The following RAB31 variants were observed in gnomAD, a reference collection of about 807,000 sequenced individuals.
RAB31 encodes the protein RAB31, member RAS oncogene family, also known as ras-related protein Rab-31.
Under a neutral mutation model 25.6 loss-of-function variants are expected in RAB31, and 21 were observed. The ratio of observed to expected loss-of-function variants is 0.82; its 90% CI spans 0.58 to 1.18. The LOEUF is 1.18. Among genes scored for constraint, RAB31 ranks in the 50% most tolerant of loss-of-function variants. The pLI is 0.00. For synonymous variants in RAB31, 87 were observed against 84.0 expected (o/e 1.04, Z -0.20); for missense variants, 196 against 250.1 (o/e 0.78, Z 1.46).
intron 5 of RAB31, among the ~76,000 whole-genome samples, chr18:9,841,250 C>A (rs1357486482): frequency 2.0e-5 from 3 of 148,440 alleles, no homozygotes; most frequent in Non-Finnish European, 4.5e-5. Flanking sequence ...GTTTAAAGAT[C>A]TCAATTGGGC....
chr18:9,796,318 T>C (rs769387556), intron 3 of RAB31, among the ~76,000 whole-genome samples: 47 of 152,150 alleles, frequency 3.1e-4, no homozygotes, highest in Admixed American at 6.5e-4. Context: ...ATCTCAGAAA[T>C]GACCACTAGA....
intron 2 of RAB31, 146 bp downstream of exon 2, chr18:9,775,503 T>C: frequency 6.9e-7 from 1 of 1,440,704 alleles, no homozygotes; most frequent in Middle Eastern, 2.5e-4. Flanking sequence ...CCGACAGAAA[T>C]TCAGGGACTT....
chr18:9,808,655 C>T (rs569146943), intron 3 of RAB31, among the ~76,000 whole-genome samples: 1 of 152,344 alleles, frequency 6.6e-6, no homozygotes, highest in African/African-American at 2.4e-5. Flanking sequence ...GGCATCTGCC[C>T]TTGACGCTCC....
intron 1 of RAB31, among the ~76,000 whole-genome samples, chr18:9,732,407 A>C (rs2068128118): frequency 6.6e-6 from 1 of 152,242 alleles, no homozygotes; most frequent in Admixed American, 6.5e-5. Flanking sequence ...CAGAGGGCAG[A>C]ATCCTCCCCT....
chr18:9,750,593 G>A (rs1025436520), intron 1 of RAB31, among the ~76,000 whole-genome samples: 10 of 152,270 alleles, frequency 6.6e-5, no homozygotes, highest in African/African-American at 2.2e-4. Context: ...GTGGAAAGGC[G>A]CCTTTGTGCC....
chr18:9,724,615 C>T (rs967513671), intron 1 of RAB31, among the ~76,000 whole-genome samples: 3 of 152,174 alleles, frequency 2.0e-5, no homozygotes, highest in Admixed American at 6.5e-5. Flanking sequence ...CTGTGAATCT[C>T]GGCAACATCA....
chr18:9,726,444 C>G (rs186882991), intron 1 of RAB31, among the ~76,000 whole-genome samples: 1 of 152,288 alleles, frequency 6.6e-6, no homozygotes, highest in Admixed American at 6.5e-5. Flanking sequence ...CTGGGGCTCA[C>G]TTTTCTCATT....
At chr18:9,759,791 G>A (rs926606181) in intron 1 of RAB31, among the ~76,000 whole-genome samples, 3 of 152,124 alleles carry the variant, frequency 2.0e-5, no homozygotes, top group Non-Finnish European at 4.4e-5. Flanking sequence ...TCTCTATGGT[G>A]GTAGAAATAG....
At chr18:9,849,258 A>T (rs2068776642) in intron 6 of RAB31, among the ~76,000 whole-genome samples, 1 of 152,146 alleles carries the variant, frequency 6.6e-6, no homozygotes, top group Non-Finnish European at 1.5e-5. Context: ...GCGTTTAGGT[A>T]TGTGCCTGTT....
At chr18:9,759,180 C>T (rs1046576384) in intron 1 of RAB31, among the ~76,000 whole-genome samples, 4 of 151,902 alleles carry the variant, frequency 2.6e-5, no homozygotes, top group South Asian at 2.1e-4. Context: ...ATCTATACAG[C>T]GGGTCTTTTT....
chr18:9,842,115 GGA>G (rs1284779979), intron 5 of RAB31, among the ~76,000 whole-genome samples: 18 of 152,296 alleles, frequency 1.2e-4, no homozygotes, highest in African/African-American at 4.1e-4. Flanking sequence ...AGTGGGACAA[GGA>G]GCTTCCAGCC....
At chr18:9,840,821 T>C (rs190928204) in intron 5 of RAB31, among the ~76,000 whole-genome samples, 1 of 152,308 alleles carries the variant, frequency 6.6e-6, no homozygotes, top group Admixed American at 6.5e-5. Context: ...TGACCTCTCC[T>C]CAAATTCAGT....
At chr18:9,820,840 A>T (rs2068621580) in intron 5 of RAB31, among the ~76,000 whole-genome samples, 1 of 152,050 alleles carries the variant, frequency 6.6e-6, no homozygotes, top group Admixed American at 6.5e-5. Flanking sequence ...ACCTTTTCAA[A>T]GAACCAGTGT....
intron 3 of RAB31, among the ~76,000 whole-genome samples, chr18:9,812,689 ATTTTTTTTTTT>A (rs55968922): frequency 1.1e-5 from 1 of 90,222 alleles, no homozygotes; most frequent in Non-Finnish European, 2.1e-5. Context: ...CCAGGATACT[ATTTTTTTTTTT>A]TTTTTTTTTT....
At chr18:9,746,638 A>C (rs187264007) in intron 1 of RAB31, among the ~76,000 whole-genome samples, 6 of 152,244 alleles carry the variant, frequency 3.9e-5, no homozygotes, top group African/African-American at 1.4e-4. Context: ...CTGATTTTCA[A>C]TAAGAGTACG....
At chr18:9,715,524 C>T in intron 1 of RAB31, among the ~76,000 whole-genome samples, 1 of 140,862 alleles carries the variant, frequency 7.1e-6, no homozygotes, top group East Asian at 2.0e-4. Context: ...GTCTCTCTCT[C>T]TCTCTTTTTT....
At chr18:9,853,350 A>T (rs1175628388) in intron 6 of RAB31, among the ~76,000 whole-genome samples, 1 of 152,230 alleles carries the variant, frequency 6.6e-6, no homozygotes, top group Non-Finnish European at 1.5e-5. Flanking sequence ...ATTATAAGGG[A>T]TAAAAAGAAA....
chr18:9,725,439 G>A (rs1028452902), intron 1 of RAB31, among the ~76,000 whole-genome samples: 10 of 152,196 alleles, frequency 6.6e-5, no homozygotes, highest in African/African-American at 2.4e-4. Context: ...GCAGCACAGG[G>A]ATTTAAGTAA....
intron 3 of RAB31, among the ~76,000 whole-genome samples, chr18:9,799,266 TTTGCTTGTG>T (rs2068502263): frequency 6.6e-6 from 1 of 152,230 alleles, no homozygotes; most frequent in African/African-American, 2.4e-5. Context: ...CGCTCAGTGC[TTTGCTTGTG>T]TTCATGATTC....
Sources: gnomAD v4.1 joint callset for allele counts (sites outside exome capture counted in the v4.1 genomes callset) on GRCh38, gnomAD v4.1.1 for gene constraint, MANE v1.5 for transcripts, NCBI Gene and HGNC (gene_info 2026-07-23, HGNC 2026-07-21) for gene names.